Variants in VTI1A observed in about 807,000 individuals in gnomAD.
VTI1A encodes the protein vesicle transport through interaction with t-SNAREs homolog 1A.
Under a neutral mutation model 34.9 loss-of-function variants are expected in VTI1A, and 22 were observed. The observed-to-expected ratio is 0.63, with a 90% CI of 0.45 to 0.90. The LOEUF (loss-of-function observed/expected upper bound fraction) is 0.90. Ranked by LOEUF, VTI1A falls within the 40% of genes least tolerant of loss-of-function variation. VTI1A has a pLI of 0.00. For synonymous variants in VTI1A, 87 were observed against 97.3 expected (o/e 0.89, Z 0.62); for missense variants, 268 against 275.6 (o/e 0.97, Z 0.20).
chr10:112,765,625 CA>C (rs1564917061), intron 7 of VTI1A, among the ~76,000 whole-genome samples: 1 of 152,188 alleles, frequency 6.6e-6, no homozygotes, highest in African/African-American at 2.4e-5. Flanking sequence ...GCAAAAGGGA[CA>C]CAGTTTCTGC....
At chr10:112,535,078 C>T (rs1850573437) in intron 4 of VTI1A, among the ~76,000 whole-genome samples, 1 of 152,120 alleles carries the variant, frequency 6.6e-6, no homozygotes, top group Admixed American at 6.5e-5. Context: ...AGCATCACGT[C>T]TGCATTTCTT....
chr10:112,784,603 C>A (rs1007865754), intron 7 of VTI1A, among the ~76,000 whole-genome samples: 1 of 152,150 alleles, frequency 6.6e-6, no homozygotes, highest in Non-Finnish European at 1.5e-5. Context: ...CACAGTCAAC[C>A]ACACGTTTTC....
chr10:112,748,400 T>C (rs1005794197), intron 7 of VTI1A, among the ~76,000 whole-genome samples: 5 of 152,268 alleles, frequency 3.3e-5, no homozygotes, highest in South Asian at 2.1e-4. Flanking sequence ...ATTCGTACAG[T>C]TGGGGACTCA....
intron 5 of VTI1A, among the ~76,000 whole-genome samples, chr10:112,546,090 A>G (rs570678110): frequency 2.7e-4 from 39 of 143,466 alleles, no homozygotes; most frequent in East Asian, 2.4e-3. Flanking sequence ...GTATACGCGT[A>G]TGTGTGTATA....
intron 7 of VTI1A, among the ~76,000 whole-genome samples, chr10:112,671,563 C>T (rs895654563): frequency 6.6e-6 from 1 of 152,134 alleles, no homozygotes; most frequent in East Asian, 1.9e-4. Flanking sequence ...ATTTTTTAAA[C>T]CTTGATTGTT....
intron 7 of VTI1A, among the ~76,000 whole-genome samples, chr10:112,786,002 C>T (rs1442132355): frequency 3.3e-5 from 5 of 151,492 alleles, no homozygotes; most frequent in African/African-American, 4.9e-5. Context: ...TCATTTTCAC[C>T]GCCCCCCCAA....
chr10:112,762,896 G>C (rs1333217286), intron 7 of VTI1A, among the ~76,000 whole-genome samples: 1 of 152,062 alleles, frequency 6.6e-6, no homozygotes, highest in East Asian at 1.9e-4. Flanking sequence ...AAATCTCACG[G>C]ATCCAGCTCA....
intron 3 of VTI1A, among the ~76,000 whole-genome samples, chr10:112,497,330 AT>A (rs1849065637): frequency 6.6e-6 from 1 of 151,648 alleles, no homozygotes; most frequent in South Asian, 2.1e-4. Context: ...AAAAAAAAAA[AT>A]AATAATAATA....
intron 7 of VTI1A, among the ~76,000 whole-genome samples, chr10:112,784,076 T>C (rs1852213513): frequency 6.6e-6 from 1 of 152,206 alleles, no homozygotes. Context: ...ACACAAATGA[T>C]GGGCACAGGC....
In VTI1A at chr10:112,460,524, A is replaced by T. The variant is rs779812424; in HGVS notation, c.95A>T (p.Asp32Val). The T allele has an allele frequency of 6.2e-7, 1 of 1,606,600 alleles. No homozygotes were observed. The highest frequency in any genetic ancestry group is 1.1e-5 in the South Asian group (1 of 88,978). Residue 32 changes from aspartate (D) to valine (V), a missense_variant and splice_region_variant, in exon 2 of 8, where the codon GAT becomes GTT. Asp to Val is a radical substitution (Grantham distance 152, BLOSUM62 -3). Coordinates refer to ENST00000393077, the MANE Select transcript of VTI1A (RefSeq NM_145206.4). The stretch of plus-strand genomic sequence containing the variant: ...TTCTTGGTATTATTGTTTGTTTCAG[A>T]TGAAAAGAAACAGATGGTTGCAAAT... ...KIARVPRLPP[D>V]EKKQMVANVE... is the part of the protein sequence containing the mutation.
Position 112,504,739 on chromosome 10 carries a change from T to C in VTI1A, c.265-22348T>C, listed in dbSNP as rs140610328. The stretch of plus-strand genomic sequence containing the variant: ...TCTATGGGGGATGTATTAATTTACA[T>C]GACCCCGGCATTGCATGGAGATATT... On this transcript the variant is annotated intron_variant, in intron 3 of 7. Transcript: ENST00000393077. Among the ~76,000 whole-genome samples the C allele has an allele frequency of 2.3e-3, 352 of 152,324 alleles. 3 individuals are homozygous for C. The highest frequency in any genetic ancestry group is 8.1e-3 in the African/African-American group (337 of 41,576).
the VTI1A span, chr10:112,827,603 AT>A: frequency 6.6e-6 from 1 of 151,954 alleles, no homozygotes; most frequent in Non-Finnish European, 1.5e-5. Flanking sequence ...CAAGTAATTT[AT>A]TTTCATGAGA....
At chr10:112,635,851 A>G (rs1433581959) in intron 5 of VTI1A, among the ~76,000 whole-genome samples, 2 of 152,202 alleles carry the variant, frequency 1.3e-5, no homozygotes, top group Non-Finnish European at 2.9e-5. Context: ...AGAAGCTGTG[A>G]TTTTTATTCA....
intron 3 of VTI1A, among the ~76,000 whole-genome samples, chr10:112,467,544 G>A (rs1402275435): frequency 6.6e-6 from 1 of 152,158 alleles, no homozygotes; most frequent in Non-Finnish European, 1.5e-5. Flanking sequence ...AAGCCATCCT[G>A]GGCTGCCTGC....
chr10:112,587,162 T>C (rs1477043337), intron 5 of VTI1A, among the ~76,000 whole-genome samples: 1 of 152,140 alleles, frequency 6.6e-6, no homozygotes, highest in Non-Finnish European at 1.5e-5. Context: ...TAAATAAAAT[T>C]TGTGGGAAAT....
intron 7 of VTI1A, among the ~76,000 whole-genome samples, chr10:112,750,626 G>A (rs530258595): frequency 1.3e-5 from 2 of 152,252 alleles, no homozygotes; most frequent in South Asian, 4.1e-4. Flanking sequence ...TCTCACCTAG[G>A]ATACTCCTAC....
chr10:112,810,510 A>G (rs1853245831), intron 7 of VTI1A, among the ~76,000 whole-genome samples: 1 of 152,088 alleles, frequency 6.6e-6, no homozygotes, highest in Admixed American at 6.6e-5. Flanking sequence ...GGCTTCCCTC[A>G]ATGAATCAAA....
chr10:112,766,467 G>C (rs1259425886), intron 7 of VTI1A, among the ~76,000 whole-genome samples: 1 of 152,158 alleles, frequency 6.6e-6, no homozygotes, highest in Non-Finnish European at 1.5e-5. Context: ...TGCAAGAATT[G>C]GTATCTGATT....
At chr10:112,561,880 A>G (rs1158901416) in intron 5 of VTI1A, among the ~76,000 whole-genome samples, 1 of 152,202 alleles carries the variant, frequency 6.6e-6, no homozygotes, top group East Asian at 1.9e-4. Flanking sequence ...TTTTTTATAA[A>G]TAAAGAAATA....
Sources: allele counts gnomAD v4.1 joint callset (sites outside exome capture counted in the v4.1 genomes callset), GRCh38; gene constraint gnomAD v4.1.1; transcripts MANE v1.5; gene names NCBI Gene and HGNC (gene_info 2026-07-23, HGNC 2026-07-21).